The following EBAG9 variants were observed in gnomAD, a reference collection of about 807,000 sequenced individuals.
EBAG9 encodes the protein receptor-binding cancer antigen expressed on SiSo cells.
Under a neutral mutation model 30.9 loss-of-function variants are expected in EBAG9, and 16 were observed. The ratio of observed to expected loss-of-function variants is 0.52; its 90% confidence interval spans 0.35 to 0.79. The LOEUF (loss-of-function observed/expected upper bound fraction) is 0.79, where lower values mean the gene tolerates loss of function less well. EBAG9 is among the 30% of genes least tolerant of loss of function. The pLI, the probability that EBAG9 is intolerant of heterozygous loss-of-function variation, is 0.01. For missense variants in EBAG9, 197 were observed against 242.1 expected (o/e 0.81, Z 1.24); for synonymous variants, 93 against 82.8 (o/e 1.12, Z -0.67).
In EBAG9 at chr8:109,556,937, T is replaced by A. The variant is rs758704614; in HGVS notation, c.324T>A (p.Ile108=). 1.3e-6 allele frequency: 2 copies of A among 1,565,838 alleles called. No homozygotes were observed. The highest frequency in any genetic ancestry group is 1.7e-6 in the Non-Finnish European group (2 of 1,150,738). ...MTPTIRKTQK[I]VIKKREPLNF... is the part of the protein sequence containing the mutation. ...TTCTTTTTCAATTAATCTTTCAGAT[T>A]GTTATTAAGAAGAGAGAACCATTGA... is the stretch of plus-strand genomic sequence containing the variant. The change falls in exon 5 of 7, where the codon ATT becomes ATA. Residue 108 remains isoleucine, a splice_region_variant and synonymous_variant. Coordinates refer to ENST00000337573, the MANE Select transcript of EBAG9 (RefSeq NM_004215.5).
chr8:109,557,681 A>C (rs748072119), intron 5 of EBAG9: 2 of 456,118 alleles, frequency 4.4e-6, no homozygotes, highest in Non-Finnish European at 8.8e-6. Context: ...TTGGGAATCC[A>C]GGTGACTAAA....
chr8:109,557,609 A>G (rs1821627454), intron 5 of EBAG9: 2 of 451,798 alleles, frequency 4.4e-6, no homozygotes, highest in Non-Finnish European at 8.9e-6. Context: ...TTGTTGTGTA[A>G]CAACTCCAAA....
chr8:109,556,384 G>A (rs75863633), intron 4 of EBAG9, among the ~76,000 whole-genome samples: 1 of 151,988 alleles, frequency 6.6e-6, no homozygotes, highest in Non-Finnish European at 1.5e-5. Context: ...ATTTTTAAAG[G>A]ATCCTTTAAG....
At chr8:109,547,196 G>T (rs986727244) in intron 1 of EBAG9, among the ~76,000 whole-genome samples, 5 of 152,022 alleles carry the variant, frequency 3.3e-5, no homozygotes, top group Non-Finnish European at 7.4e-5. Context: ...ATCTTGGGTA[G>T]ATTACTAGGA....
At chr8:109,556,776 A>G (rs1363275245) in intron 4 of EBAG9, among the ~76,000 whole-genome samples, 159 bp from the exon 5 acceptor site, 3 of 152,104 alleles carry the variant, frequency 2.0e-5, no homozygotes, top group Non-Finnish European at 4.4e-5. Flanking sequence ...TTGTACAACA[A>G]TTCCCTGGGA....
intron 6 of EBAG9, 122 bp downstream of exon 6, chr8:109,561,051 T>G (rs1821700908): frequency 1.3e-6 from 1 of 743,308 alleles, no homozygotes; most frequent in Admixed American, 3.2e-5. Flanking sequence ...GATCCTTAGA[T>G]AATAAGGACT....
At chr8:109,563,533 C>T (rs1821749956) in intron 6 of EBAG9, 17 of 1,594,076 alleles carry the variant, frequency 1.1e-5, no homozygotes, top group East Asian at 2.2e-5. Context: ...GAGTAAGGAA[C>T]AGGTATGTAT....
In EBAG9 at chr8:109,546,350, T is replaced by C. The variant is rs551483869; in HGVS notation, c.-15-4460T>C. Among the ~76,000 whole-genome samples the C allele has an allele frequency of 2.6e-5, 4 of 152,356 alleles. No individual in the cohort carries two copies. The South Asian group carries it at 8.3e-4, about 32-fold the overall frequency. On this transcript the variant is annotated intron_variant, in intron 1 of 6. Transcript: ENST00000337573. ...AAGTATACAATTTGATTAGTTTTGA[T>C]GAATATATATACACTCACCTATGAA...
intron 2 of EBAG9, 29 bp from the exon 3 acceptor site, chr8:109,553,836 T>C: frequency 1.3e-6 from 2 of 1,577,592 alleles, no homozygotes; most frequent in Non-Finnish European, 1.7e-6. Flanking sequence ...TGGTGGTTCT[T>C]GAAATAAATT....
chr8:109,547,824 G>A (rs748953558), intron 1 of EBAG9, among the ~76,000 whole-genome samples: 11 of 151,994 alleles, frequency 7.2e-5, no homozygotes, highest in Admixed American at 3.3e-4. Flanking sequence ...CCTTTTGCTC[G>A]TTTTTAAATT....
intron 2 of EBAG9, among the ~76,000 whole-genome samples, chr8:109,553,108 AATT>A (rs1821527017): frequency 1.3e-5 from 2 of 151,824 alleles, no homozygotes; most frequent in South Asian, 4.2e-4. Context: ...GTAAATGACT[AATT>A]ATCTCTATTA....
In EBAG9 at chr8:109,550,881, C is replaced by T. The variant is rs1464307206; in HGVS notation, c.57C>T (p.Phe19=). ...TTTGTACCTGCCTAGCAACAGTATT[C>T]TCATTCCTAAAGAGATTAATATGCA... is the stretch of plus-strand genomic sequence containing the variant. ...FKFCTCLATV[F]SFLKRLICRS... Residue 19 remains phenylalanine, a synonymous_variant, in exon 2 of 7, where the codon TTC becomes TTT. Coordinates refer to ENST00000337573, the MANE Select transcript of EBAG9 (RefSeq NM_004215.5). 1 of 1,594,846 alleles carries T rather than the reference C, an allele frequency of 6.3e-7. No individual in the cohort carries two copies. Among genetic ancestry groups the T allele is most frequent in the Admixed American group, 1.7e-5 (1 of 58,874 alleles).
In EBAG9 at chr8:109,564,595, T is replaced by G; in HGVS notation, c.*36T>G. ...AATTTTATCATGCCAGTAGGAGAAATCTCAGCTCCACAACCCAAGCAACAT... is the reference window on the plus strand; with the variant it reads ...AATTTTATCATGCCAGTAGGAGAAAGCTCAGCTCCACAACCCAAGCAACAT... On this transcript the variant is annotated 3_prime_UTR_variant, in exon 7 of 7. Coordinates refer to ENST00000337573, the MANE Select transcript of EBAG9 (RefSeq NM_004215.5). 6.2e-7 allele frequency: 1 copy of G among 1,607,224 alleles called. No individual in the cohort carries two copies. The highest frequency in any genetic ancestry group is 8.5e-7 in the Non-Finnish European group (1 of 1,176,012).
chr8:109,562,959 CA>C (rs1180324400), intron 6 of EBAG9, among the ~76,000 whole-genome samples: 4 of 152,010 alleles, frequency 2.6e-5, no homozygotes, highest in African/African-American at 9.7e-5. Flanking sequence ...GTAACCAGGT[CA>C]AAACTTCGTT....
intron 1 of EBAG9, among the ~76,000 whole-genome samples, chr8:109,547,788 GT>G (rs1821414773): frequency 6.6e-6 from 1 of 152,000 alleles, no homozygotes; most frequent in African/African-American, 2.4e-5. Context: ...CCTTGTATAT[GT>G]TTTTTGATGA....
intron 5 of EBAG9, 122 bp downstream of exon 5, chr8:109,557,164 T>G (rs1821617262): frequency 1.9e-6 from 1 of 535,360 alleles, no homozygotes; most frequent in African/African-American, 2.0e-5. Flanking sequence ...GAAACAGGTT[T>G]AGCAGTTTGA....
In EBAG9 at chr8:109,554,771, A is replaced by G; in HGVS notation, c.205A>G (p.Thr69Ala). The G allele has an allele frequency of 2.5e-6, 4 of 1,613,764 alleles. No homozygotes were observed. Among genetic ancestry groups the G allele is most frequent in the Non-Finnish European group, 3.4e-6 (4 of 1,179,774 alleles). ...GACTTCCTGGGATGAAGATGCACCC[A>G]CCAGTGTAAAGATCGAAGGAGGGAA... is the stretch of plus-strand genomic sequence containing the variant. ...EWTSWDEDAPTSVKIEGGNGN... is the reference protein window; with the variant it reads ...EWTSWDEDAPASVKIEGGNGN... Residue 69 changes from threonine (T) to alanine (A), a missense_variant, in exon 4 of 7, where the codon ACC (threonine) becomes GCC (alanine). Thr to Ala is a moderately conservative substitution (Grantham distance 58). Transcript: ENST00000337573.
chr8:109,550,908 G>T lies in EBAG9; in HGVS notation c.83+1G>T. 6.4e-7 allele frequency: 1 copy of T among 1,563,104 alleles called. No homozygotes were observed. The highest frequency in any genetic ancestry group is 8.7e-7 in the Non-Finnish European group (1 of 1,145,442). On this transcript the variant is annotated splice_donor_variant, in intron 2 of 6. Transcript: ENST00000337573. LOFTEE classifies it high-confidence loss of function. ...CATTCCTAAAGAGATTAATATGCAG[G>T]TAAATAAGTTTTATGTTCAAACTAA...
chr8:109,557,111 A>C, intron 5 of EBAG9, 69 bp downstream of exon 5: 2 of 978,972 alleles, frequency 2.0e-6, no homozygotes, highest in Non-Finnish European at 3.0e-6. Context: ...AGAGGAATAA[A>C]ATCTAAATGA....
Sources: allele counts gnomAD v4.1 joint callset (sites outside exome capture counted in the v4.1 genomes callset), GRCh38; gene constraint gnomAD v4.1.1; transcripts MANE v1.5; gene names NCBI Gene and HGNC (gene_info 2026-07-23, HGNC 2026-07-21).